Variants in MDN1 observed in about 807,000 individuals in gnomAD.
MDN1 encodes the protein midasin AAA ATPase 1.
In MDN1, 266 loss-of-function variants were observed where a neutral mutation model predicts 669.2. The observed-to-expected ratio is 0.40, with a 90% confidence interval of 0.36 to 0.44. The LOEUF (loss-of-function observed/expected upper bound fraction) is 0.44, where lower values mean the gene tolerates loss of function less well. MDN1 is among the 20% of genes least tolerant of loss of function. MDN1 has a pLI of 1.00. For synonymous variants in MDN1, 2,385 were observed against 2,457.1 expected (o/e 0.97, Z 0.87); for missense variants, 5,940 against 6,754.0 (o/e 0.88, Z 4.22).
intron 83 of MDN1, 57 bp from the exon 84 acceptor site, chr6:89,668,208 G>T: frequency 6.3e-7 from 1 of 1,596,088 alleles, no homozygotes; most frequent in South Asian, 1.1e-5. Context: ...TTTAAAAGGA[G>T]ATTTCATTCT....
chr6:89,673,629 G>A, intron 79 of MDN1, 167 bp from the exon 80 acceptor site: 2 of 594,904 alleles, frequency 3.4e-6, no homozygotes. Flanking sequence ...GAGTAACAGA[G>A]GACTGAAGCA....
At chr6:89,766,402 C>T (rs1817803295) in intron 15 of MDN1, among the ~76,000 whole-genome samples, 1 of 151,786 alleles carries the variant, frequency 6.6e-6, no homozygotes, top group Admixed American at 6.6e-5. Context: ...AAAAAACATA[C>T]ATTTCAAAAA....
chr6:89,753,367 CAT>C (rs998743737), intron 22 of MDN1, 143 bp downstream of exon 22: 9 of 600,496 alleles, frequency 1.5e-5, no homozygotes, highest in African/African-American at 1.3e-4. Flanking sequence ...ACCATCTAAA[CAT>C]ATGTTTCTGT....
chr6:89,675,368 C>T, intron 78 of MDN1, 96 bp downstream of exon 78: 1 of 976,322 alleles, frequency 1.0e-6, no homozygotes, highest in South Asian at 1.5e-5. Context: ...CAATTGAGAG[C>T]ATGTCTTATT....
chr6:89,744,697 C>T (rs1200628392), intron 29 of MDN1, among the ~76,000 whole-genome samples: 1 of 151,976 alleles, frequency 6.6e-6, no homozygotes, highest in Non-Finnish European at 1.5e-5. Context: ...ACCACCACAA[C>T]CAGCTGAGAC....
intron 2 of MDN1, chr6:89,797,481 T>C (rs1378764254): frequency 9.5e-6 from 2 of 209,666 alleles, no homozygotes; most frequent in East Asian, 1.5e-4. Context: ...TGCTCTCTGA[T>C]AAAGGTATGT....
At chr6:89,776,026 A>T (rs1482393152) in intron 12 of MDN1, among the ~76,000 whole-genome samples, 1 of 152,216 alleles carries the variant, frequency 6.6e-6, no homozygotes, top group African/African-American at 2.4e-5. Context: ...ATAATAAAAA[A>T]GATGGAAAAA....
chr6:89,818,037 G>A (rs1227317522), intron 1 of MDN1, among the ~76,000 whole-genome samples: 1 of 152,112 alleles, frequency 6.6e-6, no homozygotes, highest in East Asian at 1.9e-4. Flanking sequence ...ATACTTCAGG[G>A]CAGGGCGCTG....
intron 1 of MDN1, among the ~76,000 whole-genome samples, chr6:89,804,929 G>C (rs975751199): frequency 2.7e-5 from 4 of 150,816 alleles, no homozygotes; most frequent in Non-Finnish European, 1.5e-5. Flanking sequence ...CCAGCTACTC[G>C]GGAGGCTGAG....
intron 1 of MDN1, among the ~76,000 whole-genome samples, chr6:89,806,455 G>A (rs1023558382): frequency 2.0e-5 from 3 of 152,024 alleles, no homozygotes; most frequent in East Asian, 1.9e-4. Flanking sequence ...GGTGGCTCAC[G>A]CCTATAAACC....
At position 89,745,295 on chromosome 6, in the gene MDN1, C is replaced by T; in HGVS notation, c.4156G>A (p.Val1386Met). Residue 1386 changes from valine to methionine, a missense_variant, in exon 29 of 102, where the codon GTG (valine) becomes ATG (methionine). Physicochemically the swap from Val to Met is conservative, Grantham distance 21 (BLOSUM62 1). This residue lies in a region of MDN1 where 2,292 missense variants were observed against 2,638.3 expected (regional missense o/e 0.87). Coordinates refer to ENST00000369393, the MANE Select transcript of MDN1 (RefSeq NM_014611.3). ...TACCCAGTGTCTCCAACCAGCAGCACAGGTTCACCAAATTCCAATGCCCTT... is the reference window on the plus strand; with the variant it reads ...TACCCAGTGTCTCCAACCAGCAGCATAGGTTCACCAAATTCCAATGCCCTT... ...VGRALEFGEP[V>M]LLVGDTGCGK... 1 of 1,613,942 alleles carries T rather than the reference C, an allele frequency of 6.2e-7. No individual in the cohort carries two copies. The highest frequency in any genetic ancestry group is 8.5e-7 in the Non-Finnish European group (1 of 1,179,874).
At chr6:89,680,919 A>C (rs143085891) in intron 73 of MDN1, among the ~76,000 whole-genome samples, 168 bp from the exon 74 acceptor site, 5 of 152,326 alleles carry the variant, frequency 3.3e-5, no homozygotes, top group Non-Finnish European at 7.3e-5. Context: ...ATATTTAGAA[A>C]ACCATATTAC....
At chr6:89,818,801 C>G (rs1052054853) in intron 1 of MDN1, among the ~76,000 whole-genome samples, 4 of 149,706 alleles carry the variant, frequency 2.7e-5, no homozygotes, top group African/African-American at 9.9e-5. Context: ...CAGCGAGACT[C>G]CGTCTCAAAA....
rs1343212716 is a variant in MDN1, at chr6:89,690,118, G to T, written c.10775C>A (p.Pro3592Gln). The T allele has an allele frequency of 3.7e-6, 6 of 1,613,934 alleles. No individual in the cohort carries two copies. The African/African-American group carries it at 8.0e-5, about 22-fold the overall frequency. ...EKDFADILVQ[P>Q]TLEENKGTSD... ...AGTTCCTTTGTTCTCCTCCAACGTT[G>T]GCTGCACCAAAATATCTGCAAAGTC... Residue 3592 changes from proline to glutamine, a missense_variant, in exon 65 of 102, where the codon CCA becomes CAA. By Grantham distance (76) the Pro-to-Gln change is moderately conservative. Coordinates refer to ENST00000369393, the MANE Select transcript of MDN1 (RefSeq NM_014611.3).
At chr6:89,782,478 G>A (rs926271750) in intron 9 of MDN1, among the ~76,000 whole-genome samples, 5 of 151,978 alleles carry the variant, frequency 3.3e-5, no homozygotes, top group Non-Finnish European at 5.9e-5. Context: ...GTCAGTCCCA[G>A]GTACCTGGCA....
At chr6:89,806,749 A>AT (rs1021227168) in intron 1 of MDN1, among the ~76,000 whole-genome samples, 2 of 151,872 alleles carry the variant, frequency 1.3e-5, no homozygotes, top group African/African-American at 4.8e-5. Flanking sequence ...AAAAAGCTTA[A>AT]TTAAAAAATT....
rs1413085799 is a variant in MDN1 at position 89,693,891 on chromosome 6, A to AAT, written c.9881+181_9881+182dup. ...TGGCCCCATGTGAACACACACCTTG[A>AAT]ATAGCCCCCCTCTCCTCCTTTCACA... On this transcript the variant is annotated intron_variant, in intron 62 of 101. Coordinates refer to ENST00000369393, the MANE Select transcript of MDN1 (RefSeq NM_014611.3). 2.0e-5 allele frequency among the ~76,000 whole-genome samples: 3 copies of AAT among 152,176 alleles called. No homozygotes were observed. In the East Asian group the frequency reaches 5.8e-4, roughly 29 times the overall value.
In MDN1 at chr6:89,692,893, G is replaced by A. The variant is rs141048724; in HGVS notation, c.10137C>T (p.His3379=). Residue 3379 remains histidine (H), a synonymous_variant, in exon 63 of 102, where the codon CAC becomes CAT. Coordinates refer to ENST00000369393, the MANE Select transcript of MDN1 (RefSeq NM_014611.3). ...CTGACAGCCGCTTCCGGAACTGGTG[G>A]TGTGACTGCTGCCAAGAGGCCTCCT... is the stretch of plus-strand genomic sequence containing the variant. ...LKEEASWQQS[H]HQFRKRLSEE... The A allele has an allele frequency of 8.7e-6, 14 of 1,614,244 alleles. No individual in the cohort carries two copies. Among genetic ancestry groups the A allele is most frequent in the African/African-American group, 1.3e-5 (1 of 75,072 alleles).
chr6:89,813,155 G>T (rs1768558674), intron 1 of MDN1, among the ~76,000 whole-genome samples: 1 of 152,140 alleles, frequency 6.6e-6, no homozygotes, highest in African/African-American at 2.4e-5. Context: ...GGTCAGGCTG[G>T]TCTCGAACTC....
Sources: gnomAD v4.1 joint callset for allele counts (sites outside exome capture counted in the v4.1 genomes callset) on GRCh38, gnomAD v4.1.1 for gene constraint, gnomAD v4.1.1 regional missense constraint, MANE v1.5 for transcripts, NCBI Gene and HGNC (gene_info 2026-07-23, HGNC 2026-07-21) for gene names.